The following N4BP3 variants were observed in gnomAD, a reference collection of about 807,000 sequenced individuals.
N4BP3 encodes NEDD4 binding protein 3.
Under a neutral mutation model 43.8 loss-of-function variants are expected in N4BP3, and 33 were observed. The ratio of observed to expected loss-of-function variants is 0.75; its 90% CI spans 0.57 to 1.01. The LOEUF is 1.01. N4BP3 is among the 50% of genes least tolerant of loss of function. The pLI is 0.00. For missense variants in N4BP3, 756 were observed against 744.2 expected (o/e 1.02, Z -0.18); for synonymous variants, 326 against 321.9 (o/e 1.01, Z -0.14).
At position 178,121,775 on chromosome 5, in the gene N4BP3, C is replaced by T. The variant is rs1481802453; in HGVS notation, c.1409C>T (p.Ala470Val). The T allele has an allele frequency of 1.9e-6, 3 of 1,608,340 alleles. No individual in the cohort carries two copies. Among genetic ancestry groups the T allele is most frequent in the African/African-American group, 1.3e-5 (1 of 74,934 alleles). The change falls in exon 5 of 5, where the codon GCT becomes GTT. Residue 470 changes from alanine (A) to valine (V), a missense_variant. Transcript: ENST00000274605. ...AGAGACAGTGCTGAGCAGCTGCGGG[C>T]TGAGCTGCTGCAGGAGCGACTTCGG... is the stretch of plus-strand genomic sequence containing the variant. The part of the protein sequence containing the change: ...EARDSAEQLR[A>V]ELLQERLRGQ...
chr5:178,119,526 G>T (rs888304459), intron 1 of N4BP3, 28 bp from the exon 2 acceptor site: 54 of 1,479,226 alleles, frequency 3.7e-5, no homozygotes, highest in Non-Finnish European at 1.3e-5. Context: ...GTGCTCACCT[G>T]CCCCTAATGG....
Position 178,124,152 on chromosome 5 carries a change from A to G in N4BP3, c.*2151A>G, listed in dbSNP as rs981156034. On this transcript the variant is annotated 3_prime_UTR_variant, in exon 5 of 5. Transcript: ENST00000274605. ...GGGGCCTGTCAAGCCAGGGGCCCAC[A>G]CACCTGGTGCCAGGGTCCACCTTGG... 8.5e-5 allele frequency: 13 copies of G among 152,734 alleles called. No homozygotes were observed. Among genetic ancestry groups the G allele is most frequent in the African/African-American group, 2.9e-4 (12 of 41,442 alleles). 9.5% of individuals were successfully genotyped at this position (152,734 alleles called of 1,614,324 possible). A position where few individuals can be genotyped will look rare whatever the true frequency, so the allele number is the denominator to read the frequency against.
At chr5:178,114,291 T>C (rs1475464288) in intron 1 of N4BP3, among the ~76,000 whole-genome samples, 1 of 152,224 alleles carries the variant, frequency 6.6e-6, no homozygotes, top group Non-Finnish European at 1.5e-5. Context: ...TCCGTGGGGA[T>C]GCAACCTCGT....
At chr5:178,120,863 G>A (rs1487705200) in intron 3 of N4BP3, among the ~76,000 whole-genome samples, 164 bp downstream of exon 3, 2 of 152,352 alleles carry the variant, frequency 1.3e-5, no homozygotes, top group South Asian at 4.1e-4. Context: ...TGGTGGGGAT[G>A]TCATGTCACT....
rs1429923433 is a variant in N4BP3 at position 178,119,827 on chromosome 5, G to A, written c.244G>A (p.Asp82Asn). ...TKRAPRNEPA[D>N]YATLYYREHS... ...GCGGGCCCCTCGGAACGAGCCTGCC[G>A]ACTATGCCACCCTCTACTACCGGGA... is the stretch of plus-strand genomic sequence containing the variant. Residue 82 changes from aspartate (D) to asparagine (N), a missense_variant, in exon 2 of 5, where the codon GAC becomes AAC. Physicochemically the swap from Asp to Asn is conservative, Grantham distance 23 (BLOSUM62 1). Transcript: ENST00000274605. The A allele has an allele frequency of 5.0e-6, 8 of 1,613,284 alleles. No homozygotes were observed. The highest frequency in any genetic ancestry group is 1.1e-5 in the South Asian group (1 of 91,088).
rs995694394 is a variant in N4BP3, at chr5:178,121,330, C to T, written c.1085C>T (p.Pro362Leu). The T allele has an allele frequency of 1.2e-6, 2 of 1,602,362 alleles. No individual in the cohort carries two copies. Among genetic ancestry groups the T allele is most frequent in the African/African-American group, 2.7e-5 (2 of 74,642 alleles). Residue 362 changes from proline to leucine, a missense_variant, in exon 4 of 5, where the codon CCA (proline) becomes CTA (leucine). Transcript: ENST00000274605. ...TLPEADPSARPEEEARWEVCQ... is the reference protein window; with the variant it reads ...TLPEADPSARLEEEARWEVCQ... ...CCAGAGGCTGACCCCAGTGCACGACCAGAGGAGGAAGCCCGATGGGAGGTG... is the reference window on the plus strand; with the variant it reads ...CCAGAGGCTGACCCCAGTGCACGACTAGAGGAGGAAGCCCGATGGGAGGTG...
rs555655115 is a variant in N4BP3 at position 178,120,687 on chromosome 5, C to A, written c.840C>A (p.Asn280Lys). 1.9e-5 allele frequency: 31 copies of A among 1,589,782 alleles called. No homozygotes were observed. The highest frequency in any genetic ancestry group is 1.7e-4 in the Middle Eastern group (1 of 6,026). The change falls in exon 3 of 5, where the codon AAC (asparagine) becomes AAA (lysine). Residue 280 changes from asparagine to lysine, a missense_variant. Transcript: ENST00000274605. The part of the protein sequence containing the change: ...KRGLGDEDGS[N>K]PFTQVLEERQ... ...GCCTTGGCGATGAGGACGGCTCCAA[C>A]CCCTTCACGCAGGTGAGGGAGCCCC...
In N4BP3 at chr5:178,118,968, C is replaced by G. The variant is rs1757840341; in HGVS notation, c.-30-586C>G. On this transcript the variant is annotated intron_variant, in intron 1 of 4. Transcript: ENST00000274605. This position sits in a 1 kb window ranked among gnomAD's most constrained non-coding sequence, Gnocchi z 5.4. The stretch of plus-strand genomic sequence containing the variant: ...GCAAGCTCTGCCTCCCAGGTTCATG[C>G]CATTCTCCAGCCTCAGCCTCCCGAG... 6.6e-6 allele frequency among the ~76,000 whole-genome samples: 1 copy of G among 151,758 alleles called. No individual in the cohort carries two copies.
rs946904036 is a variant in N4BP3, at chr5:178,122,703, C to T, written c.*702C>T. 2.6e-5 allele frequency: 4 copies of T among 152,206 alleles called. No homozygotes were observed. Among genetic ancestry groups the T allele is most frequent in the Non-Finnish European group, 4.4e-5 (3 of 68,052 alleles). The allele number at this position is 152,206 out of a possible 1,614,324, so 9.4% of individuals were successfully genotyped here. On this transcript the variant is annotated 3_prime_UTR_variant, in exon 5 of 5. Transcript: ENST00000274605. ...AAAACAAAGGGCAAGTCAACCAAGG[C>T]ATTTTGAGAACATGAAATGTCTTCT...
intron 1 of N4BP3, among the ~76,000 whole-genome samples, chr5:178,116,596 G>A (rs954039076): frequency 6.6e-6 from 1 of 152,212 alleles, no homozygotes; most frequent in Non-Finnish European, 1.5e-5. Flanking sequence ...GGACGTGACC[G>A]TCTGCACCGT....
Position 178,119,861 on chromosome 5 carries a change from G to A in N4BP3, c.278G>A (p.Arg93His), listed in dbSNP as rs770226735. 16 of 1,612,422 alleles carry A rather than the reference G, an allele frequency of 9.9e-6. No individual in the cohort carries two copies. Among genetic ancestry groups the A allele is most frequent in the South Asian group, 4.4e-5 (4 of 91,078 alleles). The change falls in exon 2 of 5, where the codon CGC (arginine) becomes CAC (histidine). Residue 93 changes from arginine (R) to histidine (H), a missense_variant. Physicochemically the swap from Arg to His is conservative, Grantham distance 29. Transcript: ENST00000274605. Reference sequence around the variant, plus strand: ...ACCCTCTACTACCGGGAACATTCTCGCGCGGGTGACTTCAGCAAGACCTCG... The same window carrying A: ...ACCCTCTACTACCGGGAACATTCTCACGCGGGTGACTTCAGCAAGACCTCG... ...YATLYYREHS[R>H]AGDFSKTSLP...
Position 178,122,680 on chromosome 5 carries a change from A to C in N4BP3, c.*679A>C, listed in dbSNP as rs1757961998. On this transcript the variant is annotated 3_prime_UTR_variant, in exon 5 of 5. Transcript: ENST00000274605. Reference sequence around the variant, plus strand: ...GAACAACACCAGGGAATGCCAAAAAAACAAAGGGCAAGTCAACCAAGGCAT... The same window carrying C: ...GAACAACACCAGGGAATGCCAAAAACACAAAGGGCAAGTCAACCAAGGCAT... 1 of 152,238 alleles carries C rather than the reference A, an allele frequency of 6.6e-6. No homozygotes were observed. The highest frequency in any genetic ancestry group is 1.5e-5 in the Non-Finnish European group (1 of 68,060). 9.4% of individuals were successfully genotyped at this position (152,238 alleles called of 1,614,324 possible).
chr5:178,113,877 G>C (rs1757707107), intron 1 of N4BP3, 106 bp downstream of exon 1: 1 of 152,438 alleles, frequency 6.6e-6, no homozygotes, highest in Admixed American at 6.5e-5. Flanking sequence ...TGGCAAAGCT[G>C]CTGTCCCGCT....
intron 1 of N4BP3, among the ~76,000 whole-genome samples, chr5:178,117,578 T>A (rs1757799844): frequency 7.7e-6 from 1 of 129,678 alleles, no homozygotes; most frequent in Non-Finnish European, 1.5e-5. Context: ...ACTACTGTAG[T>A]CCAGCCTGGG....
At chr5:178,116,162 A>C (rs944239595) in intron 1 of N4BP3, among the ~76,000 whole-genome samples, 1 of 150,986 alleles carries the variant, frequency 6.6e-6, no homozygotes, top group Non-Finnish European at 1.5e-5. Flanking sequence ...CTCCTCCCCC[A>C]CCAAATCCCC....
chr5:178,122,174 C>T lies in N4BP3; in HGVS notation c.*173C>T. 1 of 776,206 alleles carries T rather than the reference C, an allele frequency of 1.3e-6. No individual in the cohort carries two copies. The highest frequency in any genetic ancestry group is 2.0e-6 in the Non-Finnish European group (1 of 505,472). The allele number at this position is 776,206 out of a possible 1,614,324, so 48.1% of individuals were successfully genotyped here. On this transcript the variant is annotated 3_prime_UTR_variant, in exon 5 of 5. Transcript: ENST00000274605. ...CCGTGGGCTGGGTAGGGTGCCTTGG[C>T]AGGAGCCAGGACAAGGCCCTCCTGG... is the stretch of plus-strand genomic sequence containing the variant.
chr5:178,120,040 G>A (rs2113305604), intron 2 of N4BP3, 127 bp downstream of exon 2: 1 of 1,469,248 alleles, frequency 6.8e-7, no homozygotes. Context: ...GCTGGCCTGA[G>A]GTTTGTTCAC....
At chr5:178,119,981 G>A (rs1030472309) in intron 2 of N4BP3, 68 bp downstream of exon 2, 2 of 1,511,260 alleles carry the variant, frequency 1.3e-6, no homozygotes, top group African/African-American at 1.4e-5. Flanking sequence ...CCCTGATGTT[G>A]GGATGGGGTG....
At chr5:178,116,797 C>G (rs577646938) in intron 1 of N4BP3, among the ~76,000 whole-genome samples, 1 of 152,082 alleles carries the variant, frequency 6.6e-6, no homozygotes, top group African/African-American at 2.4e-5. Context: ...ATCTGCCCAC[C>G]GGAAGCTGAG....
Sources: allele counts gnomAD v4.1 joint callset (sites outside exome capture counted in the v4.1 genomes callset), GRCh38; gene constraint gnomAD v4.1.1; non-coding constraint Gnocchi (gnomAD v3.1); transcripts MANE v1.5; gene names NCBI Gene and HGNC (gene_info 2026-07-23, HGNC 2026-07-21).